The following COL24A1 variants were observed in gnomAD, a reference collection of about 807,000 sequenced individuals.
COL24A1 encodes the protein collagen type XXIV alpha 1 chain, also known as collagen alpha-1(XXIV) chain.
A neutral mutation model predicts 253.9 loss-of-function variants in COL24A1; 224 were observed. The observed-to-expected ratio is 0.88, with a 90% confidence interval of 0.79 to 0.99. The LOEUF (loss-of-function observed/expected upper bound fraction) is 0.99, where lower values mean the gene tolerates loss of function less well. Among genes scored for constraint, COL24A1 ranks in the 50% least tolerant of loss-of-function variants. The probability of loss-of-function intolerance (pLI) is 0.00; values close to 1 mark genes in which losing one functional copy is unlikely to be tolerated. For missense variants in COL24A1, 2,131 were observed against 2,068.5 expected (o/e 1.03, Z -0.59); for synonymous variants, 685 against 673.7 (o/e 1.02, Z -0.26).
chr1:85,862,067 A>G (rs149024646), intron 37 of COL24A1, among the ~76,000 whole-genome samples: 74 of 152,212 alleles, frequency 4.9e-4, no homozygotes, highest in Middle Eastern at 3.4e-3. Context: ...TAGCTGATAT[A>G]TGTTCTCTAT....
At chr1:85,992,721 T>G (rs2390005) in intron 19 of COL24A1, among the ~76,000 whole-genome samples, 70,961 of 152,008 alleles carry the variant, frequency 0.47, 16,961 homozygotes, top group East Asian at 0.61. Flanking sequence ...TTCATTTTTA[T>G]AAATTTAAAA....
At chr1:85,894,272 C>A (rs7535642) in intron 31 of COL24A1, among the ~76,000 whole-genome samples, 2,836 of 152,240 alleles carry the variant, frequency 0.019, 87 homozygotes, top group African/African-American at 0.066. Context: ...CCATGTCATA[C>A]ACTAAGGTAA....
At chr1:85,921,757 C>T (rs1686529523) in intron 24 of COL24A1, among the ~76,000 whole-genome samples, 2 of 152,198 alleles carry the variant, frequency 1.3e-5, no homozygotes, top group Non-Finnish European at 2.9e-5. Context: ...AGTGCCTCTT[C>T]CCCTCCAAAG....
At chr1:86,132,547 G>T (rs559370180) in intron 2 of COL24A1, among the ~76,000 whole-genome samples, 186 of 152,200 alleles carry the variant, frequency 1.2e-3, no homozygotes, top group Non-Finnish European at 1.9e-3. Context: ...TTTGTATAAG[G>T]TGTAAGGAAG....
intron 12 of COL24A1, among the ~76,000 whole-genome samples, chr1:86,046,283 T>G (rs1699894776): frequency 6.6e-6 from 1 of 152,278 alleles, no homozygotes; most frequent in South Asian, 2.1e-4. Flanking sequence ...GGACCACATT[T>G]TTCTCATTTG....
chr1:85,734,815 T>A lies in COL24A1; in HGVS notation c.4932A>T (p.Gly1644=). 1.2e-6 allele frequency: 2 copies of A among 1,614,210 alleles called. No individual in the cohort carries two copies. The highest frequency in any genetic ancestry group is 1.7e-6 in the Non-Finnish European group (2 of 1,180,042). The change falls in exon 59 of 60, where the codon GGA becomes GGT. Residue 1644 remains glycine, a synonymous_variant. Coordinates refer to ENST00000370571, the MANE Select transcript of COL24A1 (RefSeq NM_152890.7). ...SGPGLPIGFK[G]WNGQIFKVNT... ...TTACTTTAAAAATCTGGCCATTCCA[T>A]CCCTTGAAACCAATAGGCAATCCTG... is the stretch of plus-strand genomic sequence containing the variant.
chr1:85,876,847 A>T lies in COL24A1; in HGVS notation c.3030+275T>A, dbSNP rs188792807. On this transcript the variant is annotated intron_variant, in intron 33 of 59. Transcript: ENST00000370571. ...AGGGCATATAATATCTTAGGATGAAAGGTTATCAAGTCAACTTTAAATCAG... is the reference window on the plus strand; with the variant it reads ...AGGGCATATAATATCTTAGGATGAATGGTTATCAAGTCAACTTTAAATCAG... 2.1e-3 allele frequency among the ~76,000 whole-genome samples: 317 copies of T among 152,336 alleles called. 10 individuals are homozygous for T. In the South Asian group the frequency reaches 0.053, roughly 25 times the overall value.
Position 86,129,852 on chromosome 1 carries a change from G to A in COL24A1, c.122-3638C>T, listed in dbSNP as rs950075103. Among the ~76,000 whole-genome samples the A allele has an allele frequency of 2.1e-4, 32 of 151,634 alleles. 1 individual carries two copies. Among genetic ancestry groups the A allele is most frequent in the African/African-American group, 6.8e-4 (28 of 41,350 alleles). The stretch of plus-strand genomic sequence containing the variant: ...ATAAGCACTCGGAAAGGTGTTTGAA[G>A]GTACAAAATTTAATACATACCAGTT... On this transcript the variant is annotated intron_variant, in intron 2 of 59. Coordinates refer to ENST00000370571, the MANE Select transcript of COL24A1 (RefSeq NM_152890.7).
intron 53 of COL24A1, among the ~76,000 whole-genome samples, chr1:85,765,475 C>T (rs1667266254): frequency 6.6e-6 from 1 of 150,510 alleles, no homozygotes; most frequent in African/African-American, 2.4e-5. Context: ...GAGGCAGAGG[C>T]CAGAAGAATC....
At chr1:86,110,572 C>T (rs1320937711) in intron 5 of COL24A1, among the ~76,000 whole-genome samples, 4 of 151,928 alleles carry the variant, frequency 2.6e-5, no homozygotes, top group African/African-American at 9.7e-5. Flanking sequence ...GAGGCGCAGG[C>T]AGGAACTGGG....
At chr1:85,944,870 T>C (rs578049888) in intron 24 of COL24A1, among the ~76,000 whole-genome samples, 37 of 151,742 alleles carry the variant, frequency 2.4e-4, no homozygotes, top group African/African-American at 8.9e-4. Context: ...GTTCTTGCGA[T>C]AGTTTACTGA....
chr1:86,016,323 ACAG>A (rs1380628304), intron 19 of COL24A1, among the ~76,000 whole-genome samples: 6 of 152,380 alleles, frequency 3.9e-5, no homozygotes, highest in African/African-American at 1.4e-4. Flanking sequence ...CAGCATCAGT[ACAG>A]CAGTAGTCTT....
intron 22 of COL24A1, 96 bp from the exon 23 acceptor site, chr1:85,965,158 T>A (rs1052900530): frequency 1.1e-6 from 1 of 877,084 alleles, no homozygotes; most frequent in African/African-American, 1.7e-5. Flanking sequence ...ACTATTCTTA[T>A]AAATTTAAAT....
At chr1:85,825,321 C>A (rs1022112767) in intron 43 of COL24A1, among the ~76,000 whole-genome samples, 2 of 152,046 alleles carry the variant, frequency 1.3e-5, no homozygotes, top group Admixed American at 1.3e-4. Flanking sequence ...TCCAGTCTAT[C>A]ATTGTTGGAC....
At chr1:85,826,983 AG>A (rs1378201770) in intron 43 of COL24A1, among the ~76,000 whole-genome samples, 12 of 151,908 alleles carry the variant, frequency 7.9e-5, no homozygotes, top group Non-Finnish European at 1.8e-4. Flanking sequence ...GTGGTGAGAG[AG>A]GGCATCCCTG....
intron 3 of COL24A1, among the ~76,000 whole-genome samples, chr1:86,117,321 G>A (rs1050899438): frequency 1.3e-5 from 2 of 152,220 alleles, no homozygotes; most frequent in East Asian, 1.9e-4. Flanking sequence ...AAGGGAGTTA[G>A]TTCATTTTCC....
chr1:85,988,371 A>G (rs1162817874), intron 19 of COL24A1, among the ~76,000 whole-genome samples: 2 of 152,076 alleles, frequency 1.3e-5, no homozygotes, highest in Non-Finnish European at 2.9e-5. Flanking sequence ...ACTTGGCTCA[A>G]GAAATGAAAA....
chr1:85,733,832 AG>A (rs1663765562), intron 59 of COL24A1, among the ~76,000 whole-genome samples: 1 of 151,170 alleles, frequency 6.6e-6, no homozygotes, highest in South Asian at 2.1e-4. Context: ...CACCCGCCTC[AG>A]CCTCCCAAAG....
At chr1:85,966,195 A>G (rs1362195029) in intron 22 of COL24A1, among the ~76,000 whole-genome samples, 1 of 152,162 alleles carries the variant, frequency 6.6e-6, no homozygotes. Context: ...TGGGAGAAAG[A>G]GAAGACTCAA....
Sources: allele counts gnomAD v4.1 joint callset (sites outside exome capture counted in the v4.1 genomes callset), GRCh38; gene constraint gnomAD v4.1.1; transcripts MANE v1.5; gene names NCBI Gene and HGNC (gene_info 2026-07-23, HGNC 2026-07-21).